Variants in WDFY4 observed in about 807,000 individuals in gnomAD.
WDFY4 encodes WDFY family member 4, also known as WD repeat- and FYVE domain-containing protein 4.
A neutral mutation model predicts 351.9 loss-of-function variants in WDFY4; 169 were observed. The observed-to-expected ratio is 0.48, with a 90% CI of 0.42 to 0.55. WDFY4 has a LOEUF of 0.55. Among genes scored for constraint, WDFY4 ranks in the 20% least tolerant of loss-of-function variants. WDFY4 has a pLI of 0.00. For missense variants in WDFY4, 3,803 were observed against 3,935.6 expected, an observed-to-expected ratio of 0.97 and a Z score of 0.90; for synonymous variants, 1,622 against 1,574.6, an observed-to-expected ratio of 1.03 and a Z score of -0.71.
chr10:48,946,853 G>C lies in WDFY4; in HGVS notation c.7868-7G>C. The C allele has an allele frequency of 6.4e-7, 1 of 1,550,952 alleles. No individual in the cohort carries two copies. The highest frequency in any genetic ancestry group is 8.7e-7 in the Non-Finnish European group (1 of 1,146,210). On this transcript the variant is annotated splice_polypyrimidine_tract_variant and splice_region_variant and intron_variant, in intron 50 of 61. Coordinates refer to ENST00000325239, the MANE Select transcript of WDFY4 (RefSeq NM_001394531.1). ...AAGCAGCCCTCAAGCATGTGTTTTTGTTGCAGGAGACATGACTGTCCAGTG... is the reference window on the plus strand; with the variant it reads ...AAGCAGCCCTCAAGCATGTGTTTTTCTTGCAGGAGACATGACTGTCCAGTG...
intron 1 of WDFY4, among the ~76,000 whole-genome samples, chr10:48,685,273 G>A (rs2063010904): frequency 6.6e-6 from 1 of 152,180 alleles, no homozygotes; most frequent in Non-Finnish European, 1.5e-5. Context: ...AGTCAGGCTG[G>A]GCTCCAGCAG....
In WDFY4 at chr10:48,850,617, A is replaced by G. The variant is rs1474899173; in HGVS notation, c.6664-16648A>G. Among the ~76,000 whole-genome samples the G allele has an allele frequency of 2.6e-5, 4 of 152,174 alleles. 1 individual carries two copies. Among genetic ancestry groups the G allele is most frequent in the African/African-American group, 9.6e-5 (4 of 41,510 alleles). On this transcript the variant is annotated intron_variant, in intron 39 of 61. Coordinates refer to ENST00000325239, the MANE Select transcript of WDFY4 (RefSeq NM_001394531.1). ...ATTAGGTTATGTTACAGTAACAAAA[A>G]CTCTCAAGTCTAACTGGCCTAAAAT...
chr10:48,945,204 T>C (rs1301378504), intron 49 of WDFY4, among the ~76,000 whole-genome samples: 1 of 152,108 alleles, frequency 6.6e-6, no homozygotes, highest in East Asian at 1.9e-4. Context: ...AGTGAGACCC[T>C]GTCTCTATCA....
intron 54 of WDFY4, among the ~76,000 whole-genome samples, chr10:48,965,658 C>T (rs530421554): frequency 1.2e-4 from 19 of 152,006 alleles, no homozygotes; most frequent in African/African-American, 3.4e-4. Flanking sequence ...CTCCAGCGTA[C>T]GCCTGGTGGA....
chr10:48,702,904 T>G (rs1477377762), intron 1 of WDFY4, among the ~76,000 whole-genome samples: 2 of 152,180 alleles, frequency 1.3e-5, no homozygotes, highest in African/African-American at 4.8e-5. Context: ...TTTGATTGCT[T>G]GTTGAAGACA....
intron 43 of WDFY4, among the ~76,000 whole-genome samples, chr10:48,889,339 T>A (rs1480404479): frequency 6.6e-6 from 1 of 152,152 alleles, no homozygotes; most frequent in African/African-American, 2.4e-5. Flanking sequence ...CTTTCACGGA[T>A]CCCATTTGGT....
intron 35 of WDFY4, among the ~76,000 whole-genome samples, chr10:48,825,054 T>A (rs988211449): frequency 6.6e-6 from 1 of 152,172 alleles, no homozygotes; most frequent in Non-Finnish European, 1.5e-5. Flanking sequence ...TATCAATGCA[T>A]CACCTAGGTA....
At chr10:48,817,432 CCAGAGAGAG>C (rs2067659312) in intron 32 of WDFY4, 23 bp downstream of exon 32, 1 of 1,537,028 alleles carries the variant, frequency 6.5e-7, no homozygotes, top group Admixed American at 2.0e-5. Context: ...GCTGTCCCAC[CCAGAGAGAG>C]CAGTTGTGAG....
At chr10:48,773,763 G>A (rs1414753577) in intron 13 of WDFY4, among the ~76,000 whole-genome samples, 1 of 152,248 alleles carries the variant, frequency 6.6e-6, no homozygotes, top group Non-Finnish European at 1.5e-5. Flanking sequence ...AGAGACTTTA[G>A]TTGGCCTGCA....
chr10:48,907,919 G>A (rs905777431), intron 47 of WDFY4, among the ~76,000 whole-genome samples: 11 of 152,192 alleles, frequency 7.2e-5, no homozygotes, highest in African/African-American at 2.4e-4. Flanking sequence ...AGAGGCGAAC[G>A]GCACCTGGCT....
intron 45 of WDFY4, among the ~76,000 whole-genome samples, chr10:48,899,836 C>T (rs952606002): frequency 3.9e-5 from 6 of 152,288 alleles, no homozygotes; most frequent in Admixed American, 1.3e-4. Context: ...CCCAGCTGCA[C>T]GCACTGAACT....
chr10:48,714,604 T>A (rs2063850881), intron 2 of WDFY4, among the ~76,000 whole-genome samples: 1 of 152,106 alleles, frequency 6.6e-6, no homozygotes, highest in Non-Finnish European at 1.5e-5. Context: ...AAGGTGCTGG[T>A]TTTGGGGGAA....
rs748163011 is a variant in WDFY4 at position 48,743,459 on chromosome 10, C to G, written c.2370C>G (p.Thr790=). Residue 790 remains threonine (T), a synonymous_variant, in exon 12 of 62, where the codon ACC becomes ACG. Coordinates refer to ENST00000325239, the MANE Select transcript of WDFY4 (RefSeq NM_001394531.1). ...LRGDLKESLR[T]KQGPVVDVQK... ...GGGACCTGAAGGAGTCCCTGAGGAC[C>G]AAGCAGGGGCCGGTTGTGGATGTTC... is the stretch of plus-strand genomic sequence containing the variant. The G allele has an allele frequency of 5.8e-6, 9 of 1,549,630 alleles. No homozygotes were observed. In the Admixed American group the frequency reaches 5.9e-5, roughly 10 times the overall value.
chr10:48,758,116 T>G (rs553346920), intron 12 of WDFY4, among the ~76,000 whole-genome samples: 2 of 152,310 alleles, frequency 1.3e-5, no homozygotes, highest in Middle Eastern at 3.4e-3. Context: ...AGTATTATTC[T>G]TAGAACAAGT....
At chr10:48,953,333 T>TCTCTCTCTCACACACACACACA (rs771339557) in intron 51 of WDFY4, among the ~76,000 whole-genome samples, 1 of 128,130 alleles carries the variant, frequency 7.8e-6, no homozygotes, top group African/African-American at 3.0e-5. Flanking sequence ...TCTCTCTCTC[T>TCTCTCTCTCACACACACACACA]CACACACACA....
chr10:48,785,914 G>T (rs766650596), intron 19 of WDFY4, among the ~76,000 whole-genome samples: 2 of 152,120 alleles, frequency 1.3e-5, no homozygotes, highest in Non-Finnish European at 2.9e-5. Flanking sequence ...TTCTGGAATT[G>T]CATTATACTT....
At chr10:48,946,781 G>A in intron 50 of WDFY4, 79 bp from the exon 51 acceptor site, 1 of 1,053,986 alleles carries the variant, frequency 9.5e-7, no homozygotes, top group Non-Finnish European at 1.4e-6. Context: ...TGCCGTTCAT[G>A]AACACAGTGT....
Position 48,959,813 on chromosome 10 carries a change from G to A in WDFY4, c.8223G>A (p.Lys2741=). ...DPRKFISLHR[K]ALESDFVSAN... ...GGAAATTCATCAGCCTGCACAGAAA[G>A]GTGAGTCAGGCCAGGACCCCTGGTA... The change falls in exon 53 of 62, where the codon AAG becomes AAA. Residue 2741 remains lysine, a splice_region_variant and synonymous_variant. Coordinates refer to ENST00000325239, the MANE Select transcript of WDFY4 (RefSeq NM_001394531.1). The A allele has an allele frequency of 6.5e-7, 1 of 1,549,256 alleles. No homozygotes were observed. The highest frequency in any genetic ancestry group is 8.7e-7 in the Non-Finnish European group (1 of 1,145,462).
intron 36 of WDFY4, 79 bp downstream of exon 36, chr10:48,826,988 G>A: frequency 8.5e-7 from 1 of 1,171,672 alleles, no homozygotes; most frequent in South Asian, 1.4e-5. Flanking sequence ...CTTGATTGAG[G>A]ACTGAGTTCT....
Sources: gnomAD v4.1 joint callset for allele counts (sites outside exome capture counted in the v4.1 genomes callset) on GRCh38, gnomAD v4.1.1 for gene constraint, MANE v1.5 for transcripts, NCBI Gene and HGNC (gene_info 2026-07-23, HGNC 2026-07-21) for gene names.